The following SLC4A2 variants were observed in gnomAD, a reference collection of about 807,000 sequenced individuals.
SLC4A2 encodes the protein solute carrier family 4 member 2.
A neutral mutation model predicts 115.0 loss-of-function variants in SLC4A2; 36 were observed. That is an observed-to-expected ratio of 0.31 (90% CI 0.24 to 0.41). The LOEUF is 0.41. SLC4A2 is among the 10% of genes least tolerant of loss of function. The pLI is 1.00. For missense variants in SLC4A2, 1,252 were observed against 1,705.6 expected (o/e 0.73, Z 4.68); for synonymous variants, 708 against 708.3 (o/e 1.00, Z 0.01).
intron 2 of SLC4A2, 145 bp downstream of exon 2, chr7:151,062,183 G>A (rs1450039876): frequency 1.7e-5 from 12 of 705,034 alleles, no homozygotes; most frequent in Non-Finnish European, 2.7e-5. Context: ...CCCTGACTTT[G>A]CATGATGGTC....
Position 151,069,987 on chromosome 7 carries a change from A to G in SLC4A2, c.1188A>G (p.Gly396=). Residue 396 remains glycine, a synonymous_variant, in exon 9 of 23, where the codon GGA becomes GGG. Transcript: ENST00000413384. ...ATCTGGACCAGCAGACCCTGCCCGG[A>G]GTGGCCCACCAGGTGGTGGAGCAGA... is the stretch of plus-strand genomic sequence containing the variant. The part of the protein sequence containing the change: ...LLDLDQQTLP[G]VAHQVVEQMV... 1 of 1,613,994 alleles carries G rather than the reference A, an allele frequency of 6.2e-7. No homozygotes were observed. The highest frequency in any genetic ancestry group is 1.1e-5 in the South Asian group (1 of 91,088).
intron 7 of SLC4A2, 53 bp downstream of exon 7, chr7:151,067,046 C>G: frequency 6.6e-7 from 1 of 1,511,036 alleles, no homozygotes; most frequent in Non-Finnish European, 8.9e-7. Context: ...GACCCTGCCC[C>G]TACCTCTCAG....
chr7:151,062,818 G>T, intron 2 of SLC4A2: 1 of 1,372,828 alleles, frequency 7.3e-7, no homozygotes, highest in Non-Finnish European at 9.4e-7. Flanking sequence ...GAGGGGAGAA[G>T]CCAGCCCCCT....
Position 151,071,376 on chromosome 7 carries a change from G to C in SLC4A2, c.1976-14G>C. The C allele has an allele frequency of 1.3e-6, 2 of 1,578,984 alleles. No individual in the cohort carries two copies. Among genetic ancestry groups the C allele is most frequent in the African/African-American group, 1.3e-5 (1 of 74,572 alleles). On this transcript the variant is annotated splice_polypyrimidine_tract_variant and intron_variant, in intron 13 of 22. Transcript: ENST00000413384. This position sits in a 1 kb window ranked among gnomAD's most constrained non-coding sequence, Gnocchi z 5.5. ...AGAGGGGCTGGGGCGCCCTGACGGAGGCCTGGGTTGCAGCGCTCCTGCAGA... is the reference window on the plus strand; with the variant it reads ...AGAGGGGCTGGGGCGCCCTGACGGACGCCTGGGTTGCAGCGCTCCTGCAGA...
At position 151,070,263 on chromosome 7, in the gene SLC4A2, G is replaced by A. The variant is rs1464436520; in HGVS notation, c.1366G>A (p.Gly456Ser). ...SLGSLLGHHH[G>S]QGAESDPHVT... is the part of the protein sequence containing the mutation. Reference sequence around the variant, plus strand: ...GGGCTCCCTGCTGGGGCATCACCATGGTCAGGGGGCTGAGAGTGACCCCCA... The same window carrying A: ...GGGCTCCCTGCTGGGGCATCACCATAGTCAGGGGGCTGAGAGTGACCCCCA... Residue 456 changes from glycine (G) to serine (S), a missense_variant, in exon 10 of 23, where the codon GGT becomes AGT. By Grantham distance (56) the Gly-to-Ser change is moderately conservative. Transcript: ENST00000413384. The A allele has an allele frequency of 6.2e-7, 1 of 1,614,040 alleles. No homozygotes were observed. Among genetic ancestry groups the A allele is most frequent in the East Asian group, 2.2e-5 (1 of 44,870 alleles).
chr7:151,063,840 T>G (rs1797136787), intron 2 of SLC4A2, among the ~76,000 whole-genome samples: 1 of 152,160 alleles, frequency 6.6e-6, no homozygotes, highest in Admixed American at 6.5e-5. Flanking sequence ...GTAATTCTCC[T>G]GCCTCAGCCT....
At chr7:151,065,181 G>T (rs1179133776) in intron 5 of SLC4A2, among the ~76,000 whole-genome samples, 1 of 152,216 alleles carries the variant, frequency 6.6e-6, no homozygotes, top group Non-Finnish European at 1.5e-5. Flanking sequence ...TCACTGGGCG[G>T]CTGTAGGGAT....
intron 7 of SLC4A2, among the ~76,000 whole-genome samples, chr7:151,067,550 G>A (rs370578950): frequency 7.9e-5 from 12 of 152,332 alleles, no homozygotes; most frequent in African/African-American, 2.4e-4. Flanking sequence ...CCTGCAAAAC[G>A]CCATTGCTTT....
In SLC4A2 at chr7:151,071,179, C is replaced by T. The variant is rs779344894; in HGVS notation, c.1857C>T (p.Gly619=). 44 of 1,610,686 alleles carry T rather than the reference C, an allele frequency of 2.7e-5. 2 individuals are homozygous for T. In the Admixed American group the frequency reaches 4.7e-4, roughly 17 times the overall value. ...SVVLPPSEVQ[G]EELLRSVAHF... ...TGCTGCCGCCTTCAGAAGTGCAGGGCGAGGAGCTGCTGCGCTCTGTGGCCC... is the reference window on the plus strand; with the variant it reads ...TGCTGCCGCCTTCAGAAGTGCAGGGTGAGGAGCTGCTGCGCTCTGTGGCCC... The change falls in exon 13 of 23, where the codon GGC becomes GGT. Residue 619 remains glycine (G), a synonymous_variant. Transcript: ENST00000413384. This position sits in a 1 kb window ranked among gnomAD's most constrained non-coding sequence, Gnocchi z 5.5.
intron 17 of SLC4A2, 41 bp downstream of exon 17, chr7:151,074,334 AG>A: frequency 1.2e-6 from 2 of 1,610,184 alleles, no homozygotes. Flanking sequence ...AGGGGCAGGA[AG>A]GGGGGTGGCA....
At position 151,071,594 on chromosome 7, in the gene SLC4A2, G is replaced by T; in HGVS notation, c.2180G>T (p.Gly727Val). The T allele has an allele frequency of 1.9e-6, 3 of 1,613,940 alleles. No individual in the cohort carries two copies. Among genetic ancestry groups the T allele is most frequent in the Non-Finnish European group, 2.5e-6 (3 of 1,179,978 alleles). ...FAALSPAITF[G>V]GLLGEKTQDL... The stretch of plus-strand genomic sequence containing the variant: ...GCCCTGTCTCCTGCCATCACCTTTG[G>T]GGGGCTGCTGGGTGAGGAGAGCCTT... The change falls in exon 14 of 23, where the codon GGG becomes GTG. Residue 727 changes from glycine to valine, a missense_variant. Gly to Val is a moderately radical substitution (Grantham distance 109). Coordinates refer to ENST00000413384, the MANE Select transcript of SLC4A2 (RefSeq NM_003040.4). The surrounding 1 kb of genome is among the most constrained non-coding windows in gnomAD (Gnocchi z 5.5).
intron 7 of SLC4A2, among the ~76,000 whole-genome samples, chr7:151,067,507 G>A (rs1203498003): frequency 6.6e-6 from 1 of 152,228 alleles, no homozygotes; most frequent in African/African-American, 2.4e-5. Flanking sequence ...GTTGATTTGA[G>A]TATTGTGGTT....
Position 151,064,652 on chromosome 7 carries a change from C to T in SLC4A2, c.344C>T (p.Thr115Ile), listed in dbSNP as rs768127857. The change falls in exon 4 of 23, where the codon ACT becomes ATT. Residue 115 changes from threonine (T) to isoleucine (I), a missense_variant. Transcript: ENST00000413384. ...KPRRRPGASPTGETPTIEEGE... is the reference protein window; with the variant it reads ...KPRRRPGASPIGETPTIEEGE... Reference sequence around the variant, plus strand: ...CGAAGGCGCCCGGGAGCCTCCCCGACTGGAGAAACCCCGACCATTGAGGAG... The same window carrying T: ...CGAAGGCGCCCGGGAGCCTCCCCGATTGGAGAAACCCCGACCATTGAGGAG... The T allele has an allele frequency of 1.4e-5, 22 of 1,613,812 alleles. No individual in the cohort carries two copies. Among genetic ancestry groups the T allele is most frequent in the Non-Finnish European group, 1.7e-5 (20 of 1,179,858 alleles).
At position 151,060,877 on chromosome 7, in the gene SLC4A2, C is replaced by A. The variant is rs1691526111; in HGVS notation, c.-63-1048C>A. ...GACGCTACACTGACTTGTCTTACTC[C>A]TAAGTCAGGCACCCCCAGTCCCCAG... On this transcript the variant is annotated intron_variant, in intron 1 of 22. Coordinates refer to ENST00000413384, the MANE Select transcript of SLC4A2 (RefSeq NM_003040.4). The surrounding 1 kb of genome is among the most constrained non-coding windows in gnomAD (Gnocchi z 5.9). 6.6e-6 allele frequency among the ~76,000 whole-genome samples: 1 copy of A among 152,306 alleles called. No homozygotes were observed. The highest frequency in any genetic ancestry group is 2.1e-4 in the South Asian group (1 of 4,826).
At chr7:151,063,787 G>A (rs941360484) in intron 2 of SLC4A2, among the ~76,000 whole-genome samples, 2 of 152,096 alleles carry the variant, frequency 1.3e-5, no homozygotes, top group African/African-American at 4.8e-5. Context: ...GGAGTGCAGT[G>A]GCACGATCTT....
At chr7:151,066,799 G>A in intron 6 of SLC4A2, 38 bp downstream of exon 6, 2 of 1,590,682 alleles carry the variant, frequency 1.3e-6, no homozygotes, top group Non-Finnish European at 1.7e-6. Flanking sequence ...GCACTGGTGG[G>A]CAAAGGAGTG....
intron 1 of SLC4A2, 77 bp from the exon 2 acceptor site, chr7:151,061,848 C>A: frequency 1.4e-6 from 1 of 715,384 alleles, no homozygotes; most frequent in Non-Finnish European, 2.4e-6. Flanking sequence ...AGGAGGATCC[C>A]CAGCAGCGCA....
Position 151,076,196 on chromosome 7 carries a change from C to A in SLC4A2, c.3645+10C>A. The A allele has an allele frequency of 6.2e-7, 1 of 1,611,946 alleles. No individual in the cohort carries two copies. On this transcript the variant is annotated intron_variant, in intron 22 of 22. Coordinates refer to ENST00000413384, the MANE Select transcript of SLC4A2 (RefSeq NM_003040.4). ...CCGAGAGATGAAATGTGTAAGCCCT[C>A]CCGTCTGCCTCCCCCGGTTCCTCTT...
chr7:151,062,126 T>A, intron 2 of SLC4A2, 88 bp downstream of exon 2: 1 of 897,696 alleles, frequency 1.1e-6, no homozygotes, highest in Non-Finnish European at 1.7e-6. Flanking sequence ...CAACCAGGGG[T>A]GTGAGCGTGT....
Sources: allele counts gnomAD v4.1 joint callset (sites outside exome capture counted in the v4.1 genomes callset), GRCh38; gene constraint gnomAD v4.1.1; non-coding constraint Gnocchi (gnomAD v3.1); transcripts MANE v1.5; gene names NCBI Gene and HGNC (gene_info 2026-07-23, HGNC 2026-07-21).